SMCP: variants seen among roughly 807,000 people sequenced by gnomAD.
SMCP encodes the protein sperm mitochondria associated cysteine rich protein.
For synonymous variants in SMCP, 41 were observed against 46.9 expected, an observed-to-expected ratio of 0.87 and a Z score of 0.51; for missense variants, 137 against 137.1, an observed-to-expected ratio of 1.00 and a Z score of 0.01.
intron 1 of SMCP, among the ~76,000 whole-genome samples, chr1:152,879,690 G>C (rs1256984319): frequency 6.6e-6 from 1 of 152,196 alleles, no homozygotes; most frequent in Admixed American, 6.5e-5. Flanking sequence ...CTGCATCCAT[G>C]GGGGTGAGGT....
chr1:152,879,111 C>T lies in SMCP; in HGVS notation c.-21+665C>T, dbSNP rs560419091. On this transcript the variant is annotated intron_variant, in intron 1 of 1. Transcript: ENST00000368765. ...CTAGGAAGATGGCCCTGGCCTTGCA[C>T]CACAAGTGTTTGACATGATTAGGCA... 5.9e-5 allele frequency among the ~76,000 whole-genome samples: 9 copies of T among 152,288 alleles called. No individual in the cohort carries two copies. In the East Asian group the frequency reaches 1.3e-3, roughly 23 times the overall value.
intron 1 of SMCP, among the ~76,000 whole-genome samples, chr1:152,878,873 G>A (rs1019877850): frequency 6.6e-6 from 1 of 152,226 alleles, no homozygotes; most frequent in African/African-American, 2.4e-5. Flanking sequence ...CAGAGACCCA[G>A]GAAGGGTGGT....
In SMCP at chr1:152,883,709, C is replaced by T. The variant is rs575980833; in HGVS notation, c.-20-694C>T. ...AGAGAGATGAAGAGAACTGCACAAT[C>T]CCTTAGGCTTGGGAGTTGCAGAACC... On this transcript the variant is annotated intron_variant, in intron 1 of 1. Transcript: ENST00000368765. 3.2e-3 allele frequency among the ~76,000 whole-genome samples: 494 copies of T among 152,284 alleles called. 1 individual carries two copies. Among genetic ancestry groups the T allele is most frequent in the Middle Eastern group, 0.014 (4 of 294 alleles).
rs746265862 is a variant in SMCP at position 152,884,815 on chromosome 1, GC to G, written c.*44del. 2 of 1,556,158 alleles carry G rather than the reference GC, an allele frequency of 1.3e-6. No individual in the cohort carries two copies. The highest frequency in any genetic ancestry group is 1.8e-6 in the Non-Finnish European group (2 of 1,135,758). On this transcript the variant is annotated 3_prime_UTR_variant, in exon 2 of 2. Coordinates refer to ENST00000368765, the MANE Select transcript of SMCP (RefSeq NM_030663.3). ...ACAAAGAAGAAGTCCCTGGGGCCAT[GC>G]CTTTCACTTTGTAGGGTGGGGGATT...
In SMCP at chr1:152,881,427, G is replaced by T. The variant is rs185364249; in HGVS notation, c.-20-2976G>T. Among the ~76,000 whole-genome samples, 36 of 152,188 alleles carry T rather than the reference G, an allele frequency of 2.4e-4. No individual in the cohort carries two copies. The East Asian group carries it at 6.2e-3, about 26-fold the overall frequency. On this transcript the variant is annotated intron_variant, in intron 1 of 1. Coordinates refer to ENST00000368765, the MANE Select transcript of SMCP (RefSeq NM_030663.3). ...TACCCGGCCGGGCGCGGTGGCTCAC[G>T]CCTGTAATCCCAGCACTTTGGGAGG...
Position 152,884,495 on chromosome 1 carries a change from C to T in SMCP, c.73C>T (p.Gln25Ter), listed in dbSNP as rs1649150826. Residue 25 changes from glutamine (Q) to a stop codon, truncating the protein, a stop_gained, in exon 2 of 2, where the codon CAG (glutamine) becomes TAG (stop). Transcript: ENST00000368765. LOFTEE classifies it low-confidence loss of function (END_TRUNC). ...GNQCCPPQQN[Q>*]CCQSKGNQCC... ...TCAATGCTGCCCACCACAGCAGAAC[C>T]AGTGCTGCCAGTCAAAAGGCAATCA... 6.2e-7 allele frequency: 1 copy of T among 1,613,818 alleles called. No homozygotes were observed. Among genetic ancestry groups the T allele is most frequent in the Non-Finnish European group, 8.5e-7 (1 of 1,179,912 alleles).
In SMCP at chr1:152,881,449, G is replaced by A. The variant is rs191205693; in HGVS notation, c.-20-2954G>A. Among the ~76,000 whole-genome samples the A allele has an allele frequency of 1.7e-4, 26 of 152,094 alleles. 1 individual carries two copies. The East Asian group carries it at 5.1e-3, about 30-fold the overall frequency. On this transcript the variant is annotated intron_variant, in intron 1 of 1. Transcript: ENST00000368765. Reference sequence around the variant, plus strand: ...CACGCCTGTAATCCCAGCACTTTGGGAGGCCGAGGCGGGTGGATCATGAGG... The same window carrying A: ...CACGCCTGTAATCCCAGCACTTTGGAAGGCCGAGGCGGGTGGATCATGAGG...
chr1:152,884,292 C>G (rs1006373504), intron 1 of SMCP, 111 bp from the exon 2 acceptor site: 11 of 974,206 alleles, frequency 1.1e-5, no homozygotes, highest in Admixed American at 7.3e-5. Flanking sequence ...TTTCTCAACC[C>G]TGGTCTGAGT....
At chr1:152,879,865 G>T (rs1648980797) in intron 1 of SMCP, among the ~76,000 whole-genome samples, 1 of 152,106 alleles carries the variant, frequency 6.6e-6, no homozygotes, top group African/African-American at 2.4e-5. Context: ...GACTGGTGAG[G>T]CAAGCCCCTG....
At position 152,884,415 on chromosome 1, in the gene SMCP, T is replaced by C. The variant is rs753725542; in HGVS notation, c.-8T>C. 2 of 1,613,980 alleles carry C rather than the reference T, an allele frequency of 1.2e-6. No individual in the cohort carries two copies. Among genetic ancestry groups the C allele is most frequent in the Non-Finnish European group, 1.7e-6 (2 of 1,179,868 alleles). ...TTTCTTTTTCTAGTACCTCCAAGTG[T>C]TCAGAAGATGTGTGACCAGACAAAA... On this transcript the variant is annotated 5_prime_UTR_variant, in exon 2 of 2. Coordinates refer to ENST00000368765, the MANE Select transcript of SMCP (RefSeq NM_030663.3).
intron 1 of SMCP, among the ~76,000 whole-genome samples, chr1:152,879,990 C>A (rs1648984381): frequency 6.6e-6 from 1 of 152,148 alleles, no homozygotes; most frequent in Non-Finnish European, 1.5e-5. Context: ...ACAAACTGGA[C>A]TTCCAAGTGG....
At position 152,884,959 on chromosome 1, in the gene SMCP, C is replaced by A. The variant is rs1649173921; in HGVS notation, c.*186C>A. 2 of 608,608 alleles carry A rather than the reference C, an allele frequency of 3.3e-6. No individual in the cohort carries two copies. The highest frequency in any genetic ancestry group is 5.9e-6 in the Non-Finnish European group (2 of 338,670). 37.7% of individuals were successfully genotyped at this position (608,608 alleles called of 1,614,324 possible). On this transcript the variant is annotated 3_prime_UTR_variant, in exon 2 of 2. Transcript: ENST00000368765. ...CTCCCTACCCTAGGGAGGCCTCCAT[C>A]TGGAAATGGGAGGATGAAGAGGCTA...
At chr1:152,878,485 A>G (rs1648938049) in intron 1 of SMCP, 39 bp downstream of exon 1, 1 of 152,650 alleles carries the variant, frequency 6.6e-6, no homozygotes, top group Non-Finnish European at 1.5e-5. Context: ...TCCTCTCTCC[A>G]TGGCTTTTTC....
chr1:152,884,494 C>A lies in SMCP; in HGVS notation c.72C>A (p.Asn24Lys). 1 of 1,613,830 alleles carries A rather than the reference C, an allele frequency of 6.2e-7. No individual in the cohort carries two copies. The change falls in exon 2 of 2, where the codon AAC becomes AAA. Residue 24 changes from asparagine to lysine, a missense_variant. Physicochemically the swap from Asn to Lys is moderately conservative, Grantham distance 94. Transcript: ENST00000368765. ...ATCAATGCTGCCCACCACAGCAGAA[C>A]CAGTGCTGCCAGTCAAAAGGCAATC... ...KGNQCCPPQQ[N>K]QCCQSKGNQC...
rs1326690873 is a variant in SMCP, at chr1:152,884,810, G to A, written c.*37G>A. 3.2e-6 allele frequency: 5 copies of A among 1,569,980 alleles called. No homozygotes were observed. The African/African-American group carries it at 6.8e-5, about 21-fold the overall frequency. Reference sequence around the variant, plus strand: ...GTCAAACAAAGAAGAAGTCCCTGGGGCCATGCCTTTCACTTTGTAGGGTGG... The same window carrying A: ...GTCAAACAAAGAAGAAGTCCCTGGGACCATGCCTTTCACTTTGTAGGGTGG... On this transcript the variant is annotated 3_prime_UTR_variant, in exon 2 of 2. Transcript: ENST00000368765.
At chr1:152,880,803 G>A (rs998349533) in intron 1 of SMCP, among the ~76,000 whole-genome samples, 1 of 152,044 alleles carries the variant, frequency 6.6e-6, no homozygotes, top group African/African-American at 2.4e-5. Flanking sequence ...GGTGGGAACT[G>A]CCCTTGACCC....
At chr1:152,879,918 C>T (rs1190162967) in intron 1 of SMCP, among the ~76,000 whole-genome samples, 1 of 152,144 alleles carries the variant, frequency 6.6e-6, no homozygotes, top group African/African-American at 2.4e-5. Context: ...CACCTCTGAT[C>T]ACTGGAATGA....
chr1:152,883,259 G>C (rs1347071773), intron 1 of SMCP, among the ~76,000 whole-genome samples: 2 of 152,182 alleles, frequency 1.3e-5, no homozygotes, highest in South Asian at 2.1e-4. Flanking sequence ...AGTCCACAGA[G>C]GGGGTACAGG....
At chr1:152,884,329 G>T in intron 1 of SMCP, 74 bp from the exon 2 acceptor site, 1 of 1,227,046 alleles carries the variant, frequency 8.1e-7, no homozygotes. Flanking sequence ...GATGTATTTG[G>T]GTGTCAAGAA....
Sources: gnomAD v4.1 joint callset for allele counts (sites outside exome capture counted in the v4.1 genomes callset) on GRCh38, gnomAD v4.1.1 for gene constraint, MANE v1.5 for transcripts, NCBI Gene and HGNC (gene_info 2026-07-23, HGNC 2026-07-21) for gene names.